Variants in RPS6KC1 observed in about 807,000 individuals in gnomAD.
RPS6KC1 encodes ribosomal protein S6 kinase C1.
RPS6KC1 carries 54 observed loss-of-function variants against 103.8 expected under a neutral mutation model. The ratio of observed to expected loss-of-function variants is 0.52; its 90% CI spans 0.42 to 0.65. The LOEUF is 0.65. RPS6KC1 is among the 30% of genes least tolerant of loss of function. The pLI is 0.00. For synonymous variants in RPS6KC1, 439 were observed against 438.7 expected (o/e 1.00, Z -0.01); for missense variants, 1,151 against 1,253.8 (o/e 0.92, Z 1.24).
the RPS6KC1 span, among the ~76,000 whole-genome samples, chr1:213,653,907 T>A: frequency 1.3e-5 from 2 of 152,180 alleles, no homozygotes; most frequent in Non-Finnish European, 2.9e-5. Flanking sequence ...TCCAGGGAAG[T>A]AAAGTTCAAA....
chr1:213,465,265 C>T, the RPS6KC1 span, among the ~76,000 whole-genome samples: 1 of 152,140 alleles, frequency 6.6e-6, no homozygotes, highest in Non-Finnish European at 1.5e-5. Flanking sequence ...ATCTATCTCA[C>T]AGTTTGTTTC....
At chr1:213,539,164 C>T in the RPS6KC1 span, among the ~76,000 whole-genome samples, 2 of 152,206 alleles carry the variant, frequency 1.3e-5, no homozygotes, top group African/African-American at 4.8e-5. Context: ...ACTGTCAGCT[C>T]TAGAACTCTC....
the RPS6KC1 span, among the ~76,000 whole-genome samples, chr1:213,285,488 A>C: frequency 6.6e-6 from 1 of 152,216 alleles, no homozygotes. Flanking sequence ...CAAACTAAAG[A>C]ATTAAAGTTA....
At chr1:213,381,610 G>T in the RPS6KC1 span, among the ~76,000 whole-genome samples, 1 of 152,070 alleles carries the variant, frequency 6.6e-6, no homozygotes, top group East Asian at 1.9e-4. Context: ...GTCAAACAAA[G>T]TGTGCTGCGA....
the RPS6KC1 span, among the ~76,000 whole-genome samples, chr1:213,561,612 G>T: frequency 6.6e-6 from 1 of 152,198 alleles, no homozygotes; most frequent in Admixed American, 6.5e-5. Flanking sequence ...AGTCCATGCT[G>T]TGCACAATGT....
the RPS6KC1 span, among the ~76,000 whole-genome samples, chr1:213,493,375 C>G: frequency 1.3e-5 from 2 of 152,116 alleles, no homozygotes; most frequent in Admixed American, 6.6e-5. Context: ...AAAACAGTGC[C>G]TGGCTAATAG....
At chr1:213,208,016 T>C (rs1334851436) in intron 8 of RPS6KC1, among the ~76,000 whole-genome samples, 1 of 152,192 alleles carries the variant, frequency 6.6e-6, no homozygotes, top group Non-Finnish European at 1.5e-5. Flanking sequence ...GTCAGTTTGT[T>C]TTATAGACAC....
the RPS6KC1 span, among the ~76,000 whole-genome samples, chr1:213,288,153 G>C: frequency 6.6e-6 from 1 of 152,194 alleles, no homozygotes; most frequent in African/African-American, 2.4e-5. Flanking sequence ...AAACCTGCCA[G>C]GTGGACCAAA....
At chr1:213,375,230 C>T in the RPS6KC1 span, among the ~76,000 whole-genome samples, 5,136 of 151,990 alleles carry the variant, frequency 0.034, 118 homozygotes, top group African/African-American at 0.062. Context: ...TATTCACATA[C>T]ATACACATAC....
chr1:213,603,286 G>T, the RPS6KC1 span, among the ~76,000 whole-genome samples: 3,350 of 152,276 alleles, frequency 0.022, 134 homozygotes, highest in African/African-American at 0.076. Context: ...TGCTGCTACT[G>T]CAACTGCACC....
chr1:213,566,075 T>G, the RPS6KC1 span, among the ~76,000 whole-genome samples: 1 of 152,142 alleles, frequency 6.6e-6, no homozygotes, highest in Admixed American at 6.5e-5. Context: ...GAGAGATTGT[T>G]GGATGAATGC....
At chr1:213,750,906 A>T in the RPS6KC1 span, among the ~76,000 whole-genome samples, 1 of 152,218 alleles carries the variant, frequency 6.6e-6, no homozygotes, top group Non-Finnish European at 1.5e-5. Context: ...AGTCCTGACA[A>T]AACAACCTAC....
In RPS6KC1 at chr1:213,074,234, T is replaced by C. The variant is rs185339711; in HGVS notation, c.141+3193T>C. 4.7e-5 allele frequency among the ~76,000 whole-genome samples: 7 copies of C among 149,154 alleles called. No homozygotes were observed. In the East Asian group the frequency reaches 1.3e-3, roughly 29 times the overall value. On this transcript the variant is annotated intron_variant, in intron 2 of 14. Coordinates refer to ENST00000366960, the MANE Select transcript of RPS6KC1 (RefSeq NM_012424.6). ...GAAAAGGAAACATTTATGTAGAAAATATTTAAGGGAATGTTTTTAAAATTA... is the reference window on the plus strand; with the variant it reads ...GAAAAGGAAACATTTATGTAGAAAACATTTAAGGGAATGTTTTTAAAATTA...
the RPS6KC1 span, among the ~76,000 whole-genome samples, chr1:213,692,298 G>T: frequency 6.6e-6 from 1 of 151,646 alleles, no homozygotes; most frequent in Admixed American, 6.6e-5. Flanking sequence ...AGGAGGCTGA[G>T]GCATGAGAAT....
chr1:213,751,459 C>T, the RPS6KC1 span, among the ~76,000 whole-genome samples: 7 of 152,252 alleles, frequency 4.6e-5, no homozygotes, highest in Admixed American at 1.3e-4. Context: ...AGCCAAACCA[C>T]GCTTTTGGTC....
chr1:213,328,148 C>G, the RPS6KC1 span, among the ~76,000 whole-genome samples: 4 of 152,138 alleles, frequency 2.6e-5, no homozygotes, highest in Non-Finnish European at 5.9e-5. Context: ...TCCGTATCCC[C>G]AGTTTCTACA....
chr1:213,404,543 C>T, the RPS6KC1 span, among the ~76,000 whole-genome samples: 59 of 152,188 alleles, frequency 3.9e-4, no homozygotes, highest in Non-Finnish European at 5.9e-4. Flanking sequence ...TACGTGAGGA[C>T]CAATGGGACA....
chr1:213,684,613 C>T, the RPS6KC1 span, among the ~76,000 whole-genome samples: 331 of 152,326 alleles, frequency 2.2e-3, 3 homozygotes, highest in Middle Eastern at 0.01. Context: ...GTGGACTGAC[C>T]TCATCGCTTG....
At chr1:213,773,622 G>A in the RPS6KC1 span, among the ~76,000 whole-genome samples, 1 of 151,556 alleles carries the variant, frequency 6.6e-6, no homozygotes, top group African/African-American at 2.4e-5. Context: ...TGCATTTTAT[G>A]TTTGTGGTGA....
Sources: gnomAD v4.1 joint callset for allele counts (sites outside exome capture counted in the v4.1 genomes callset) on GRCh38, gnomAD v4.1.1 for gene constraint, MANE v1.5 for transcripts, NCBI Gene and HGNC (gene_info 2026-07-23, HGNC 2026-07-21) for gene names.